Variants in FLNB observed in about 807,000 individuals in gnomAD.
The protein encoded by FLNB is filamin-B.
A neutral mutation model predicts 250.6 loss-of-function variants in FLNB; 111 were observed. That is an observed-to-expected ratio of 0.44 (90% confidence interval 0.38 to 0.52). FLNB has a LOEUF of 0.52. FLNB is among the 20% of genes least tolerant of loss of function. FLNB has a pLI of 0.00. For synonymous variants in FLNB, 1,302 were observed against 1,372.1 expected (o/e 0.95, Z 1.13); for missense variants, 2,869 against 3,447.8 (o/e 0.83, Z 4.20).
chr3:58,063,994 C>T (rs548713763), intron 1 of FLNB, among the ~76,000 whole-genome samples: 2 of 152,134 alleles, frequency 1.3e-5, no homozygotes, highest in South Asian at 4.1e-4. Context: ...AAAAGGTCCT[C>T]AATGTCTTGC....
chr3:58,049,351 C>T (rs2097158815), intron 1 of FLNB, among the ~76,000 whole-genome samples: 1 of 152,152 alleles, frequency 6.6e-6, no homozygotes, highest in Non-Finnish European at 1.5e-5. Context: ...TATCTCCGTG[C>T]TGTGGCCTTG....
At chr3:58,050,947 C>T (rs2097161380) in intron 1 of FLNB, among the ~76,000 whole-genome samples, 1 of 152,226 alleles carries the variant, frequency 6.6e-6, no homozygotes, top group African/African-American at 2.4e-5. Context: ...GTAACTCACT[C>T]CGTGGGTAGC....
Position 58,153,504 on chromosome 3 carries a change from C to G in FLNB, c.6497C>G (p.Thr2166Arg). The change falls in exon 39 of 46, where the codon ACG becomes AGG. Residue 2166 changes from threonine (T) to arginine (R), a missense_variant. Around this residue, in one of 5 missense-constraint regions of FLNB, gnomAD observed 1,084 missense variants for 1,315.5 expected, o/e 0.82. Transcript: ENST00000295956. ...RFVPQEMGVH[T>R]VSVKYRGQHV... ...GTGCCCCAGGAGATGGGCGTGCACA[C>G]GGTCAGCGTCAAGTACCGTGGGCAG... The G allele has an allele frequency of 6.2e-7, 1 of 1,614,208 alleles. No individual in the cohort carries two copies. Among genetic ancestry groups the G allele is most frequent in the Non-Finnish European group, 8.5e-7 (1 of 1,180,050 alleles).
intron 29 of FLNB, among the ~76,000 whole-genome samples, chr3:58,141,462 T>A (rs2097326855): frequency 6.6e-6 from 1 of 152,158 alleles, no homozygotes; most frequent in Non-Finnish European, 1.5e-5. Flanking sequence ...ACATATTGAT[T>A]CATTGGACCT....
At chr3:58,163,075 G>C (rs2097364318) in intron 42 of FLNB, 79 bp from the exon 43 acceptor site, 1 of 1,416,022 alleles carries the variant, frequency 7.1e-7, no homozygotes, top group Admixed American at 1.7e-5. Flanking sequence ...TCTCAGCTTG[G>C]CCTCCATCCT....
At chr3:58,100,613 T>C (rs2097249383) in intron 8 of FLNB, among the ~76,000 whole-genome samples, 1 of 149,352 alleles carries the variant, frequency 6.7e-6, no homozygotes, top group Non-Finnish European at 1.5e-5. Context: ...TTTGTTTTGT[T>C]TTGAGACAGA....
chr3:58,036,243 C>T (rs530925019), intron 1 of FLNB, among the ~76,000 whole-genome samples: 5 of 152,230 alleles, frequency 3.3e-5, no homozygotes, highest in South Asian at 4.1e-4. Context: ...GCTGCCTAGA[C>T]GGAGCTGATT....
intron 4 of FLNB, among the ~76,000 whole-genome samples, chr3:58,093,040 C>G (rs1043753592): frequency 1.3e-5 from 2 of 152,158 alleles, no homozygotes; most frequent in Non-Finnish European, 2.9e-5. Context: ...AGTGGTGGGT[C>G]CTCAGGTAAC....
chr3:58,123,761 G>A, intron 21 of FLNB, 71 bp downstream of exon 21: 4 of 1,378,138 alleles, frequency 2.9e-6, no homozygotes, highest in Non-Finnish European at 4.0e-6. Flanking sequence ...CTGAAACTTG[G>A]AGCTGCAAAC....
At chr3:58,070,600 G>A (rs1438744500) in intron 1 of FLNB, among the ~76,000 whole-genome samples, 1 of 151,828 alleles carries the variant, frequency 6.6e-6, no homozygotes, top group Admixed American at 6.6e-5. Flanking sequence ...AAGTCTTAGT[G>A]CGAGTGTGTG....
At chr3:58,086,055 A>G (rs2097216837) in intron 4 of FLNB, among the ~76,000 whole-genome samples, 1 of 151,900 alleles carries the variant, frequency 6.6e-6, no homozygotes, top group South Asian at 2.1e-4. Context: ...GAGTGTCGTG[A>G]TGCCATCACG....
chr3:58,105,753 C>T (rs914043109), intron 11 of FLNB, among the ~76,000 whole-genome samples: 5 of 152,172 alleles, frequency 3.3e-5, no homozygotes, highest in South Asian at 2.1e-4. Flanking sequence ...TATAGGAATA[C>T]GTAAACAAAC....
At chr3:58,062,190 G>A (rs2097179711) in intron 1 of FLNB, among the ~76,000 whole-genome samples, 1 of 152,312 alleles carries the variant, frequency 6.6e-6, no homozygotes, top group South Asian at 2.1e-4. Context: ...CCTAGAAGGA[G>A]CCAGTGAGGA....
At chr3:58,055,029 G>A (rs1302753593) in intron 1 of FLNB, among the ~76,000 whole-genome samples, 2 of 152,190 alleles carry the variant, frequency 1.3e-5, no homozygotes, top group African/African-American at 4.8e-5. Flanking sequence ...CACTTTGGGA[G>A]GTTGAGGTGG....
At position 58,123,492 on chromosome 3, in the gene FLNB, A is replaced by T. The variant is rs746111471; in HGVS notation, c.3526A>T (p.Thr1176Ser). 6.2e-7 allele frequency: 1 copy of T among 1,603,970 alleles called. No individual in the cohort carries two copies. Among genetic ancestry groups the T allele is most frequent in the Non-Finnish European group, 8.5e-7 (1 of 1,173,744 alleles). Reference protein sequence around the residue: ...LGLEAVSDSGTKAEVSIQNNK... With the variant: ...LGLEAVSDSGSKAEVSIQNNK... ...CCTGGAAGCTGTCTCGGACTCGGGA[A>T]CAAAAGCCGAAGTCAGTATTCAGAA... The change falls in exon 21 of 46, where the codon ACA becomes TCA. Residue 1176 changes from threonine (T) to serine (S), a missense_variant. Coordinates refer to ENST00000295956, the MANE Select transcript of FLNB (RefSeq NM_001457.4).
intron 1 of FLNB, among the ~76,000 whole-genome samples, chr3:58,070,465 T>C (rs1658385): frequency 0.043 from 6,518 of 152,192 alleles, 388 homozygotes; most frequent in African/African-American, 0.14. Context: ...TTCAAACCGA[T>C]GTATCTAGTC....
chr3:58,105,717 C>G (rs2097258441), intron 11 of FLNB, among the ~76,000 whole-genome samples: 1 of 152,220 alleles, frequency 6.6e-6, no homozygotes, highest in African/African-American at 2.4e-5. Flanking sequence ...AGTTATTTGA[C>G]TCTGCCGTTG....
rs756876300 is a variant in FLNB at position 58,105,138 on chromosome 3, C to T, written c.1669C>T (p.Pro557Ser). The change falls in exon 11 of 46, where the codon CCT becomes TCT. Residue 557 changes from proline (P) to serine (S), a missense_variant. This residue lies in a region of FLNB where 1,348 missense variants were observed against 1,466.7 expected (regional missense o/e 0.92). Transcript: ENST00000295956. Reference sequence around the variant, plus strand: ...TATGCAGAAAGTCCGTGCTTGGGGCCCTGGGCTCCATGGTGGGATTGTCGG... The same window carrying T: ...TATGCAGAAAGTCCGTGCTTGGGGCTCTGGGCTCCATGGTGGGATTGTCGG... ...AGMQKVRAWG[P>S]GLHGGIVGRS... is the part of the protein sequence containing the mutation. 2.5e-6 allele frequency: 4 copies of T among 1,614,088 alleles called. No homozygotes were observed. Among genetic ancestry groups the T allele is most frequent in the Middle Eastern group, 1.6e-4 (1 of 6,084 alleles).
chr3:58,106,120 C>G (rs576163026), intron 11 of FLNB, among the ~76,000 whole-genome samples: 6 of 152,144 alleles, frequency 3.9e-5, no homozygotes, highest in African/African-American at 1.4e-4. Flanking sequence ...TTGTATGGCT[C>G]TATCCATTGT....
Sources: gnomAD v4.1 joint callset for allele counts (sites outside exome capture counted in the v4.1 genomes callset) on GRCh38, gnomAD v4.1.1 for gene constraint, gnomAD v4.1.1 regional missense constraint, MANE v1.5 for transcripts, NCBI Gene and HGNC (gene_info 2026-07-23, HGNC 2026-07-21) for gene names.